ESS2: variants seen among roughly 807,000 people sequenced by gnomAD.
The protein encoded by ESS2 is ess-2 spliceosome associated protein.
ESS2 carries 31 observed loss-of-function variants against 52.0 expected under a neutral mutation model. The observed-to-expected ratio is 0.60, with a 90% CI of 0.45 to 0.81. ESS2 has a LOEUF of 0.81. ESS2 is among the 30% of genes least tolerant of loss of function. The pLI is 0.00. For missense variants in ESS2, 602 were observed against 637.2 expected (o/e 0.94, Z 0.59); for synonymous variants, 285 against 259.2 (o/e 1.10, Z -0.95).
At chr22:19,143,960 C>T in intron 1 of ESS2, 1 of 853,572 alleles carries the variant, frequency 1.2e-6, no homozygotes, top group Non-Finnish European at 1.4e-6. Context: ...ACCTTGCTCC[C>T]GAGCTGCATA....
intron 3 of ESS2, 86 bp from the exon 4 acceptor site, chr22:19,140,110 C>T (rs1160023633): frequency 2.0e-6 from 3 of 1,496,754 alleles, no homozygotes; most frequent in African/African-American, 1.4e-5. Flanking sequence ...TCATAGCCCC[C>T]AACATGCAGG....
chr22:19,130,378 A>G lies in ESS2; in HGVS notation c.*3818T>C. On this transcript the variant is annotated 3_prime_UTR_variant, in exon 10 of 10. Coordinates refer to ENST00000252137, the MANE Select transcript of ESS2 (RefSeq NM_022719.3). ...AAGTGCTACAATTTTCTTACTGTTT[A>G]TATAGGTTGGGGTTATGTGCCTACA... 1 of 167,060 alleles carries G rather than the reference A, an allele frequency of 6.0e-6. No homozygotes were observed. The highest frequency in any genetic ancestry group is 1.5e-4 in the South Asian group (1 of 6,550). 10.3% of individuals were successfully genotyped at this position (167,060 alleles called of 1,614,324 possible). A position where few individuals can be genotyped will look rare whatever the true frequency, so the allele number is the denominator to read the frequency against.
At chr22:19,135,840 C>A (rs1569106417) in intron 8 of ESS2, among the ~76,000 whole-genome samples, 1 of 151,286 alleles carries the variant, frequency 6.6e-6, no homozygotes, top group Non-Finnish European at 1.5e-5. Flanking sequence ...CCAGCCTGAG[C>A]AAAATGACAA....
In ESS2 at chr22:19,132,380, C is replaced by T. The variant is rs146810069; in HGVS notation, c.*1816G>A. 15 of 1,612,954 alleles carry T rather than the reference C, an allele frequency of 9.3e-6. No individual in the cohort carries two copies. The highest frequency in any genetic ancestry group is 2.7e-5 in the African/African-American group (2 of 74,858). The stretch of plus-strand genomic sequence containing the variant: ...CCCAGCACCGGCTGCTGGTGGTGCC[C>T]GAGAACGAGAACAGGATGGAGGACA... On this transcript the variant is annotated 3_prime_UTR_variant, in exon 10 of 10. Transcript: ENST00000252137. The surrounding 1 kb of genome is among the most constrained non-coding windows in gnomAD (Gnocchi z 4.2).
rs2083702006 is a variant in ESS2, at chr22:19,142,387, T to C, written c.400+151A>G. ...CCAGATGTTCTACCACCTAGACCAATGTCCTTTGACTTCACAGGCTGCTAT... is the reference window on the plus strand; with the variant it reads ...CCAGATGTTCTACCACCTAGACCAACGTCCTTTGACTTCACAGGCTGCTAT... On this transcript the variant is annotated intron_variant, in intron 3 of 9. Coordinates refer to ENST00000252137, the MANE Select transcript of ESS2 (RefSeq NM_022719.3). 7 of 703,266 alleles carry C rather than the reference T, an allele frequency of 1.0e-5. No individual in the cohort carries two copies. In the South Asian group the frequency reaches 1.1e-4, roughly 11 times the overall value. The allele number at this position is 703,266 out of a possible 1,614,324, so 43.6% of individuals were successfully genotyped here.
At chr22:19,138,415 T>C (rs749565714) in intron 6 of ESS2, 98 bp from the exon 7 acceptor site, 1 of 1,148,814 alleles carries the variant, frequency 8.7e-7, no homozygotes, top group Non-Finnish European at 1.3e-6. Context: ...AAACACTTCC[T>C]CTCCTCAGGG....
rs538318342 is a variant in ESS2, at chr22:19,140,600, C to G, written c.401-576G>C. Among the ~76,000 whole-genome samples the G allele has an allele frequency of 2.3e-3, 356 of 152,250 alleles. 1 individual carries two copies. Among genetic ancestry groups the G allele is most frequent in the African/African-American group, 7.9e-3 (329 of 41,546 alleles). ...CTAAGCCACAACCCCAAACACCCCC[C>G]CCTCCGACCAACCCTGCCACCATGG... On this transcript the variant is annotated intron_variant, in intron 3 of 9. Transcript: ENST00000252137.
rs778238329 is a variant in ESS2, at chr22:19,131,767, C to T, written c.*2429G>A. 4 of 1,614,182 alleles carry T rather than the reference C, an allele frequency of 2.5e-6. No homozygotes were observed. In the South Asian group the frequency reaches 4.4e-5, roughly 18 times the overall value. On this transcript the variant is annotated 3_prime_UTR_variant, in exon 10 of 10. Transcript: ENST00000252137. The surrounding 1 kb of genome is among the most constrained non-coding windows in gnomAD (Gnocchi z 5.7). ...AAGATGTTCCGACAGCTCTCCTCCG[C>T]CGTCAAGTACTGCCACGACCTGGAC...
chr22:19,131,739 C>A lies in ESS2; in HGVS notation c.*2457G>T. On this transcript the variant is annotated 3_prime_UTR_variant, in exon 10 of 10. Transcript: ENST00000252137. The surrounding 1 kb of genome is among the most constrained non-coding windows in gnomAD (Gnocchi z 5.7). The stretch of plus-strand genomic sequence containing the variant: ...GGGAGCCCTGCATGAGGACGTGGCA[C>A]GCAAGATGTTCCGACAGCTCTCCTC... The A allele has an allele frequency of 6.2e-7, 1 of 1,614,092 alleles. No homozygotes were observed. Among genetic ancestry groups the A allele is most frequent in the Non-Finnish European group, 8.5e-7 (1 of 1,179,974 alleles).
intron 6 of ESS2, among the ~76,000 whole-genome samples, chr22:19,138,651 A>G (rs1318549805): frequency 6.6e-6 from 1 of 151,926 alleles, no homozygotes; most frequent in Non-Finnish European, 1.5e-5. Context: ...TGCTGATGAC[A>G]GGCAATGCTG....
chr22:19,138,167 C>G (rs201207388), intron 7 of ESS2, 48 bp downstream of exon 7: 3 of 1,610,606 alleles, frequency 1.9e-6, no homozygotes, highest in African/African-American at 2.7e-5. Flanking sequence ...CCACCTCCCC[C>G]AGGGAGTCCC....
Position 19,132,291 on chromosome 22 carries a change from A to C in ESS2, c.*1905T>G. On this transcript the variant is annotated 3_prime_UTR_variant, in exon 10 of 10. Coordinates refer to ENST00000252137, the MANE Select transcript of ESS2 (RefSeq NM_022719.3). This position sits in a 1 kb window ranked among gnomAD's most constrained non-coding sequence, Gnocchi z 4.2. Reference sequence around the variant, plus strand: ...GGAGGGCAAGTACCGCGCTGAGTGCAAACTGGACACCAAGACAGGCTTGAG... The same window carrying C: ...GGAGGGCAAGTACCGCGCTGAGTGCCAACTGGACACCAAGACAGGCTTGAG... 1 of 1,613,576 alleles carries C rather than the reference A, an allele frequency of 6.2e-7. No individual in the cohort carries two copies. The highest frequency in any genetic ancestry group is 8.5e-7 in the Non-Finnish European group (1 of 1,180,002).
At chr22:19,134,909 G>C in intron 9 of ESS2, 151 bp downstream of exon 9, 1 of 657,528 alleles carries the variant, frequency 1.5e-6, no homozygotes, top group South Asian at 1.9e-5. Context: ...GCTCTGGATA[G>C]AGGAGCTGCC....
chr22:19,137,806 GCA>G, intron 7 of ESS2: 1 of 985,370 alleles, frequency 1.0e-6, no homozygotes, highest in Non-Finnish European at 1.2e-6. Context: ...GCACCCAAGA[GCA>G]CAGAGGCCAG....
Position 19,134,273 on chromosome 22 carries a change from G to C in ESS2, c.1354C>G (p.Leu452Val). The C allele has an allele frequency of 6.3e-7, 1 of 1,589,150 alleles. No individual in the cohort carries two copies. Among genetic ancestry groups the C allele is most frequent in the Non-Finnish European group, 8.6e-7 (1 of 1,165,872 alleles). The change falls in exon 10 of 10, where the codon CTC becomes GTC. Residue 452 changes from leucine (L) to valine (V), a missense_variant. Physicochemically the swap from Leu to Val is conservative, Grantham distance 32. Transcript: ENST00000252137. Reference protein sequence around the residue: ...PAPGSATRTPLTQDPASITDN... With the variant: ...PAPGSATRTPVTQDPASITDN... ...GTGATGGAGGCCGGGTCCTGTGTGA[G>C]AGGGGTGCGTGTGGCAGAGCCAGGC... is the stretch of plus-strand genomic sequence containing the variant.
rs2083656554 is a variant in ESS2 at position 19,139,972 on chromosome 22, G to A, written c.453C>T (p.Phe151=). ...TGTCCTCACTCGTGTAGCGGCTCAG[G>A]AAGACATCTAGGCTGGGCAGCGGCT... ...EKEPLPSLDV[F]LSRYTSEDNA... Residue 151 remains phenylalanine (F), a synonymous_variant, in exon 4 of 10, where the codon TTC becomes TTT. Coordinates refer to ENST00000252137, the MANE Select transcript of ESS2 (RefSeq NM_022719.3). 1 of 1,614,122 alleles carries A rather than the reference G, an allele frequency of 6.2e-7. No homozygotes were observed. The highest frequency in any genetic ancestry group is 2.2e-5 in the East Asian group (1 of 44,876).
chr22:19,139,835 AC>A lies in ESS2; in HGVS notation c.570+19del. ...CAGAGGGTGCCTACGCCTATGTGAC[AC>A]CCCAGACCCCAGAGACACCTTCTCA... On this transcript the variant is annotated intron_variant, in intron 4 of 9. Coordinates refer to ENST00000252137, the MANE Select transcript of ESS2 (RefSeq NM_022719.3). 6.2e-7 allele frequency: 1 copy of A among 1,613,560 alleles called. No homozygotes were observed. Among genetic ancestry groups the A allele is most frequent in the South Asian group, 1.1e-5 (1 of 91,056 alleles).
intron 4 of ESS2, 48 bp from the exon 5 acceptor site, chr22:19,139,777 T>G (rs1331017909): frequency 6.2e-7 from 1 of 1,613,852 alleles, no homozygotes; most frequent in Non-Finnish European, 8.5e-7. Context: ...CCCTGGGCAT[T>G]GTACCCATGG....
Position 19,131,522 on chromosome 22 carries a change from G to T in ESS2, c.*2674C>A. 6.2e-7 allele frequency: 1 copy of T among 1,614,174 alleles called. No individual in the cohort carries two copies. Among genetic ancestry groups the T allele is most frequent in the Non-Finnish European group, 8.5e-7 (1 of 1,180,030 alleles). The stretch of plus-strand genomic sequence containing the variant: ...GCCTCAAGTTCAATGTGGCTGTCAA[G>T]ATCATCGACCGCAAGAAAACACCTA... On this transcript the variant is annotated 3_prime_UTR_variant, in exon 10 of 10. Coordinates refer to ENST00000252137, the MANE Select transcript of ESS2 (RefSeq NM_022719.3). The surrounding 1 kb of genome is among the most constrained non-coding windows in gnomAD (Gnocchi z 5.7).
Sources: gnomAD v4.1 joint callset for allele counts (sites outside exome capture counted in the v4.1 genomes callset) on GRCh38, gnomAD v4.1.1 for gene constraint, Gnocchi (gnomAD v3.1) non-coding constraint, MANE v1.5 for transcripts, NCBI Gene and HGNC (gene_info 2026-07-23, HGNC 2026-07-21) for gene names.